PTPRD: variants seen among roughly 807,000 people sequenced by gnomAD.
PTPRD encodes the protein receptor-type tyrosine-protein phosphatase delta.
PTPRD carries 34 observed loss-of-function variants against 214.5 expected under a neutral mutation model. The ratio of observed to expected loss-of-function variants is 0.16; its 90% CI spans 0.12 to 0.21. The LOEUF (loss-of-function observed/expected upper bound fraction) is 0.21, where lower values mean the gene tolerates loss of function less well. Ranked by LOEUF, PTPRD falls within the 10% of genes least tolerant of loss-of-function variation. PTPRD has a pLI of 1.00. For synonymous variants in PTPRD, 1,128 were observed against 845.7 expected, an observed-to-expected ratio of 1.33 and a Z score of -5.79; for missense variants, 2,545 against 2,398.7, an observed-to-expected ratio of 1.06 and a Z score of -1.27.
chr9:10,048,509 T>C (rs890772714), intron 3 of PTPRD, among the ~76,000 whole-genome samples: 2 of 152,094 alleles, frequency 1.3e-5, no homozygotes, highest in Admixed American at 1.3e-4. Flanking sequence ...CACTGATTCA[T>C]TTTGGTTTCC....
At chr9:8,657,105 T>C (rs952081329) in intron 12 of PTPRD, among the ~76,000 whole-genome samples, 3 of 152,176 alleles carry the variant, frequency 2.0e-5, no homozygotes, top group Admixed American at 6.5e-5. Context: ...TTCTTTCATA[T>C]GTTTGTTGGT....
intron 30 of PTPRD, among the ~76,000 whole-genome samples, chr9:8,471,762 C>T (rs10977136): frequency 0.039 from 5,969 of 152,124 alleles, 404 homozygotes; most frequent in African/African-American, 0.14. Context: ...TAACTGAATA[C>T]TTACACTGAG....
chr9:9,390,784 G>C (rs924218601), intron 9 of PTPRD, among the ~76,000 whole-genome samples: 7 of 152,156 alleles, frequency 4.6e-5, no homozygotes, highest in Admixed American at 1.3e-4. Flanking sequence ...GTTGCTGTGT[G>C]ACTTTGAAAG....
intron 10 of PTPRD, among the ~76,000 whole-genome samples, chr9:9,112,898 AAT>A (rs1470236519): frequency 1.3e-5 from 2 of 151,984 alleles, no homozygotes; most frequent in Non-Finnish European, 2.9e-5. Flanking sequence ...TGAGGAAAAA[AAT>A]GTGTTTTTCT....
Position 9,966,263 on chromosome 9 carries a change from T to C in PTPRD, c.-471-27653A>G, listed in dbSNP as rs185480208. On this transcript the variant is annotated intron_variant, in intron 4 of 45. Transcript: ENST00000381196. Reference sequence around the variant, plus strand: ...ACTTCTAATTTATCAATAAAATATATATTCTATGCAATCACCTAAGTTCAT... The same window carrying C: ...ACTTCTAATTTATCAATAAAATATACATTCTATGCAATCACCTAAGTTCAT... 2.0e-5 allele frequency among the ~76,000 whole-genome samples: 3 copies of C among 152,284 alleles called. No individual in the cohort carries two copies. In the East Asian group the frequency reaches 5.8e-4, roughly 29 times the overall value.
At chr9:8,500,080 A>G (rs1026075982) in intron 24 of PTPRD, among the ~76,000 whole-genome samples, 9 of 151,860 alleles carry the variant, frequency 5.9e-5, no homozygotes, top group African/African-American at 2.2e-4. Flanking sequence ...GGAAGAAAAA[A>G]AGAGTATCAG....
chr9:9,675,389 T>A (rs1164898459), intron 7 of PTPRD, among the ~76,000 whole-genome samples: 1 of 151,588 alleles, frequency 6.6e-6, no homozygotes, highest in Non-Finnish European at 1.5e-5. Flanking sequence ...AGAATAAACA[T>A]TAGAACAATT....
intron 14 of PTPRD, among the ~76,000 whole-genome samples, chr9:8,615,686 T>C (rs957335287): frequency 6.6e-6 from 1 of 152,080 alleles, no homozygotes; most frequent in South Asian, 2.1e-4. Context: ...TTCCTGTCTT[T>C]ATTTAATAGC....
rs148872368 is a variant in PTPRD, at chr9:9,001,082, G to C, written c.-104+17615C>G. On this transcript the variant is annotated intron_variant, in intron 11 of 45. Transcript: ENST00000381196. ...CTCTCTCAAATTTCTGTTGATTGTG[G>C]AGAAAGGTAGGGGAATTAATTAAAA... is the stretch of plus-strand genomic sequence containing the variant. Among the ~76,000 whole-genome samples the C allele has an allele frequency of 5.4e-3, 822 of 152,070 alleles. 2 individuals are homozygous for C. Among genetic ancestry groups the C allele is most frequent in the Middle Eastern group, 0.017 (5 of 294 alleles).
In PTPRD at chr9:8,314,505, A is replaced by G. The variant is rs762124216; in HGVS notation, c.*3369T>C. The G allele has an allele frequency of 4.3e-6, 1 of 232,036 alleles. No homozygotes were observed. The highest frequency in any genetic ancestry group is 8.5e-6 in the Non-Finnish European group (1 of 116,966). The allele number at this position is 232,036 out of a possible 1,614,324, so 14.4% of individuals were successfully genotyped here. ...AACGAGAGCAAAGAACACAACTGTT[A>G]TTATCTTTGTAAAGACACTCCAAGC... is the stretch of plus-strand genomic sequence containing the variant. On this transcript the variant is annotated 3_prime_UTR_variant, in exon 46 of 46. Coordinates refer to ENST00000381196, the MANE Select transcript of PTPRD (RefSeq NM_002839.4).
intron 8 of PTPRD, among the ~76,000 whole-genome samples, chr9:9,441,793 AT>A (rs1158289572): frequency 1.3e-5 from 2 of 152,162 alleles, no homozygotes; most frequent in African/African-American, 4.8e-5. Context: ...GTACAGTGCT[AT>A]TTGATTACCA....
At chr9:10,236,130 G>A (rs746804572) in intron 3 of PTPRD, among the ~76,000 whole-genome samples, 1 of 151,752 alleles carries the variant, frequency 6.6e-6, no homozygotes, top group East Asian at 1.9e-4. Context: ...CTAATTTCAC[G>A]TCCTAACCTC....
At chr9:9,440,480 C>A (rs2144316770) in intron 8 of PTPRD, among the ~76,000 whole-genome samples, 1 of 152,170 alleles carries the variant, frequency 6.6e-6, no homozygotes, top group African/African-American at 2.4e-5. Context: ...CTAGGAGAGT[C>A]AATAGAATTT....
At chr9:9,677,324 T>G (rs922044061) in intron 7 of PTPRD, among the ~76,000 whole-genome samples, 1 of 152,048 alleles carries the variant, frequency 6.6e-6, no homozygotes. Context: ...AAGGAAGGGA[T>G]CCAGTTTCAG....
intron 10 of PTPRD, among the ~76,000 whole-genome samples, chr9:9,171,388 T>C (rs1463882692): frequency 6.6e-6 from 1 of 150,556 alleles, no homozygotes; most frequent in Admixed American, 6.6e-5. Context: ...TATTGGTCTT[T>C]CTTTTCAATG....
At chr9:10,422,538 A>C (rs574436898) in intron 2 of PTPRD, among the ~76,000 whole-genome samples, 4 of 152,228 alleles carry the variant, frequency 2.6e-5, no homozygotes, top group Non-Finnish European at 5.9e-5. Context: ...AGAATGGGAG[A>C]AAATTTTTGC....
At chr9:10,321,364 G>T (rs933448808) in intron 3 of PTPRD, among the ~76,000 whole-genome samples, 4 of 151,928 alleles carry the variant, frequency 2.6e-5, no homozygotes, top group Non-Finnish European at 2.9e-5. Flanking sequence ...TCAAATGAAG[G>T]GTTGAGGAAA....
intron 14 of PTPRD, among the ~76,000 whole-genome samples, chr9:8,600,482 C>T (rs2094786044): frequency 6.6e-6 from 1 of 151,874 alleles, no homozygotes; most frequent in Admixed American, 6.6e-5. Context: ...GGCAGCAAAG[C>T]TCACAGCTCT....
At chr9:9,010,897 G>C (rs1281393304) in intron 11 of PTPRD, among the ~76,000 whole-genome samples, 1 of 152,076 alleles carries the variant, frequency 6.6e-6, no homozygotes, top group East Asian at 1.9e-4. Context: ...TCCGCTTATT[G>C]CACAACAGCC....
Sources: allele counts gnomAD v4.1 joint callset (sites outside exome capture counted in the v4.1 genomes callset), GRCh38; gene constraint gnomAD v4.1.1; transcripts MANE v1.5; gene names NCBI Gene and HGNC (gene_info 2026-07-23, HGNC 2026-07-21).